CTBP2: variants seen among roughly 807,000 people sequenced by gnomAD.
CTBP2 encodes the protein C-terminal binding protein 2, also known as C-terminal-binding protein 2.
Under a neutral mutation model 80.3 loss-of-function variants are expected in CTBP2, and 30 were observed. The ratio of observed to expected loss-of-function variants is 0.37; its 90% CI spans 0.28 to 0.51. The LOEUF is 0.51. Ranked by LOEUF, CTBP2 falls within the 20% of genes least tolerant of loss-of-function variation. The probability of loss-of-function intolerance (pLI) is 0.93; values close to 1 mark genes in which losing one functional copy is unlikely to be tolerated. For synonymous variants in CTBP2, 594 were observed against 587.4 expected (o/e 1.01, Z -0.16); for missense variants, 1,212 against 1,375.3 (o/e 0.88, Z 1.88).
At chr10:125,141,543 G>A (rs575034629) in intron 1 of CTBP2, among the ~76,000 whole-genome samples, 1 of 152,092 alleles carries the variant, frequency 6.6e-6, no homozygotes, top group African/African-American at 2.4e-5. Flanking sequence ...GGGGACCTGA[G>A]GGCGCTCAAC....
chr10:125,068,269 G>C (rs74954826), intron 2 of CTBP2, among the ~76,000 whole-genome samples: 18 of 152,300 alleles, frequency 1.2e-4, no homozygotes, highest in African/African-American at 4.3e-4. Context: ...GGCACAGGGT[G>C]AACACCATAC....
intron 1 of CTBP2, among the ~76,000 whole-genome samples, chr10:125,015,541 G>A (rs1404087756): frequency 9.2e-5 from 14 of 152,202 alleles, no homozygotes. Flanking sequence ...TCCACTCCCG[G>A]TCTTGCAGTT....
chr10:125,026,975 T>C lies in CTBP2; in HGVS notation c.785A>G (p.Glu262Gly). Reference sequence around the variant, plus strand: ...GTAAGCCATCTTGGATGGGATGCTTTCCCGGGCAGGCCCGTAGCCACGATT... The same window carrying C: ...GTAAGCCATCTTGGATGGGATGCTTCCCCGGGCAGGCCCGTAGCCACGATT... Residue 262 changes from glutamate to glycine, a missense_variant, in exon 1 of 9, where the codon GAA becomes GGA. By Grantham distance (98) the Glu-to-Gly change is moderately conservative (BLOSUM62 -2). Coordinates refer to ENST00000309035, the MANE Select transcript of CTBP2 (RefSeq NM_022802.3). 6.2e-7 allele frequency: 1 copy of C among 1,614,004 alleles called. No individual in the cohort carries two copies. Among genetic ancestry groups the C allele is most frequent in the East Asian group, 2.2e-5 (1 of 44,876 alleles).
chr10:125,007,927 T>C (rs1970811), intron 1 of CTBP2, among the ~76,000 whole-genome samples: 75,158 of 151,584 alleles, frequency 0.5, 19,252 homozygotes, highest in African/African-American at 0.63. Flanking sequence ...ATTTCTGACA[T>C]AGGAGGCAAA....
At chr10:125,098,023 A>G (rs1419213063) in intron 2 of CTBP2, among the ~76,000 whole-genome samples, 1 of 152,192 alleles carries the variant, frequency 6.6e-6, no homozygotes, top group Non-Finnish European at 1.5e-5. Flanking sequence ...AGGGAGGCTG[A>G]GGCAGGAGAA....
At chr10:125,095,686 G>C (rs191168757) in intron 2 of CTBP2, among the ~76,000 whole-genome samples, 1 of 152,330 alleles carries the variant, frequency 6.6e-6, no homozygotes, top group Non-Finnish European at 1.5e-5. Context: ...GATGTTGGCA[G>C]ATGTTTTGTG....
intron 1 of CTBP2, among the ~76,000 whole-genome samples, chr10:125,012,017 C>T (rs900843553): frequency 6.6e-6 from 1 of 152,242 alleles, no homozygotes; most frequent in African/African-American, 2.4e-5. Context: ...AACAACCCCA[C>T]CCAGCCTGTG....
At chr10:125,095,419 C>T (rs997887166) in intron 2 of CTBP2, among the ~76,000 whole-genome samples, 2 of 152,140 alleles carry the variant, frequency 1.3e-5, no homozygotes, top group Non-Finnish European at 2.9e-5. Flanking sequence ...GTGGTCAAAA[C>T]AGAAAGACCA....
chr10:125,077,617 G>A (rs970259833), intron 2 of CTBP2, among the ~76,000 whole-genome samples: 1 of 152,132 alleles, frequency 6.6e-6, no homozygotes, highest in Admixed American at 6.6e-5. Flanking sequence ...GAAAGTTCTG[G>A]GCTTGGGATT....
intron 2 of CTBP2, among the ~76,000 whole-genome samples, chr10:125,073,230 T>C (rs1256520481): frequency 6.6e-6 from 1 of 152,230 alleles, no homozygotes; most frequent in Admixed American, 6.5e-5. Context: ...ATTTCTTCAA[T>C]GGCTTCTGCA....
intron 5 of CTBP2, 109 bp downstream of exon 7, chr10:124,994,360 A>G: frequency 9.2e-7 from 1 of 1,082,016 alleles, no homozygotes; most frequent in Admixed American, 2.0e-5. Context: ...TCCCTGCTCA[A>G]CAGTGTATCC....
intron 2 of CTBP2, among the ~76,000 whole-genome samples, chr10:125,076,774 T>C (rs947752699): frequency 5.9e-5 from 9 of 152,226 alleles, no homozygotes; most frequent in African/African-American, 2.2e-4. Context: ...TTATATCCAC[T>C]CTGGCAAGAG....
intron 2 of CTBP2, among the ~76,000 whole-genome samples, chr10:125,091,729 A>G (rs1848789419): frequency 6.6e-6 from 1 of 152,218 alleles, no homozygotes; most frequent in African/African-American, 2.4e-5. Context: ...TGACTGTGCC[A>G]CTGCACTACA....
At position 125,062,819 on chromosome 10, in the gene CTBP2, C is replaced by T. The variant is rs549720244; in HGVS notation, c.-101-23664G>A. 1.4e-4 allele frequency among the ~76,000 whole-genome samples: 21 copies of T among 152,172 alleles called. 1 individual carries two copies. The highest frequency in any genetic ancestry group is 7.9e-4 in the Admixed American group (12 of 15,286). On this transcript the variant is annotated intron_variant, in intron 2 of 10. Transcript: ENST00000337195. ...TGGAGGTTGCACTGAGCTGAGATTGCGCCACTGGGCGCCTGGGCAACAAAG... is the reference window on the plus strand; with the variant it reads ...TGGAGGTTGCACTGAGCTGAGATTGTGCCACTGGGCGCCTGGGCAACAAAG...
At chr10:125,043,418 T>C (rs1960397723) in intron 2 of CTBP2, among the ~76,000 whole-genome samples, 1 of 152,156 alleles carries the variant, frequency 6.6e-6, no homozygotes, top group Admixed American at 6.5e-5. Flanking sequence ...ATAGACCCTC[T>C]CGATTTCTTT....
intron 3 of CTBP2, chr10:125,001,290 A>T (rs916729970): frequency 1.3e-5 from 2 of 152,322 alleles, no homozygotes; most frequent in African/African-American, 4.8e-5. Context: ...TGAGGGGCCG[A>T]CGTGCTGGAG....
intron 2 of CTBP2, among the ~76,000 whole-genome samples, chr10:125,080,366 G>A (rs1422762194): frequency 6.6e-6 from 1 of 152,120 alleles, no homozygotes; most frequent in African/African-American, 2.4e-5. Context: ...AGCCACCAGT[G>A]CACCCAGCCC....
chr10:125,033,145 C>T (rs190346577), intron 3 of CTBP2, among the ~76,000 whole-genome samples: 86 of 152,320 alleles, frequency 5.6e-4, no homozygotes, highest in African/African-American at 1.9e-3. Context: ...TCTCTTCAAC[C>T]GGAACACGGA....
intron 2 of CTBP2, among the ~76,000 whole-genome samples, chr10:125,064,551 A>G (rs1844338714): frequency 6.6e-6 from 1 of 152,222 alleles, no homozygotes; most frequent in African/African-American, 2.4e-5. Context: ...ATGAAAAAAA[A>G]GTGCCACAAT....
Sources: gnomAD v4.1 joint callset for allele counts (sites outside exome capture counted in the v4.1 genomes callset) on GRCh38, gnomAD v4.1.1 for gene constraint, MANE v1.5 for transcripts, NCBI Gene and HGNC (gene_info 2026-07-23, HGNC 2026-07-21) for gene names.